GABRB1: variants seen among roughly 807,000 people sequenced by gnomAD.
GABRB1 encodes gamma-aminobutyric acid type A receptor subunit beta1, also known as gamma-aminobutyric acid receptor subunit beta-1.
In GABRB1, 17 loss-of-function variants were observed where a neutral mutation model predicts 51.6. The observed-to-expected ratio is 0.33, with a 90% CI of 0.23 to 0.49. The LOEUF (loss-of-function observed/expected upper bound fraction) is 0.49. Among genes scored for constraint, GABRB1 ranks in the 20% least tolerant of loss-of-function variants. GABRB1 has a pLI of 0.99. For missense variants in GABRB1, 410 were observed against 600.6 expected, an observed-to-expected ratio of 0.68 and a Z score of 3.32; for synonymous variants, 247 against 218.9, an observed-to-expected ratio of 1.13 and a Z score of -1.14.
chr4:47,326,984 C>T (rs55842104), intron 5 of GABRB1, among the ~76,000 whole-genome samples: 3 of 152,100 alleles, frequency 2.0e-5, no homozygotes, highest in Non-Finnish European at 4.4e-5. Context: ...TAGTCTAGTA[C>T]CTGAAAATAA....
At chr4:47,411,615 T>C (rs974913019) in intron 8 of GABRB1, among the ~76,000 whole-genome samples, 6 of 152,186 alleles carry the variant, frequency 3.9e-5, no homozygotes, top group Non-Finnish European at 2.9e-5. Context: ...AATCTACATA[T>C]GCAATAAAAT....
intron 4 of GABRB1, 135 bp downstream of exon 4, chr4:47,161,604 G>T (rs1577963326): frequency 1.5e-6 from 1 of 677,260 alleles, no homozygotes; most frequent in East Asian, 2.7e-5. Flanking sequence ...ACTTATGAAG[G>T]TCTATTACAA....
intron 3 of GABRB1, among the ~76,000 whole-genome samples, chr4:47,036,347 G>A (rs1725566387): frequency 6.6e-6 from 1 of 152,096 alleles, no homozygotes; most frequent in African/African-American, 2.4e-5. Context: ...AACAGTAACT[G>A]CTTGTCAGAT....
At chr4:47,390,383 G>A (rs1244184856) in intron 5 of GABRB1, among the ~76,000 whole-genome samples, 3 of 152,194 alleles carry the variant, frequency 2.0e-5, no homozygotes, top group South Asian at 2.1e-4. Flanking sequence ...ACACATTTAC[G>A]TACAAGACTA....
intron 5 of GABRB1, among the ~76,000 whole-genome samples, chr4:47,391,642 T>C (rs1007341440): frequency 1.2e-4 from 18 of 152,344 alleles, no homozygotes; most frequent in Admixed American, 1.0e-3. Flanking sequence ...ATTTCCTTGG[T>C]GCCCAGACTT....
intron 1 of GABRB1, among the ~76,000 whole-genome samples, chr4:47,006,037 C>A (rs1724388626): frequency 6.8e-6 from 1 of 147,688 alleles, no homozygotes; most frequent in African/African-American, 2.5e-5. Context: ...GCAATAATTT[C>A]TTTTGTTTTA....
intron 5 of GABRB1, among the ~76,000 whole-genome samples, chr4:47,361,185 A>C (rs890073684): frequency 2.0e-5 from 3 of 152,146 alleles, no homozygotes; most frequent in Non-Finnish European, 4.4e-5. Context: ...TAAGATTAAA[A>C]CAAAACAACT....
At chr4:47,346,418 C>A (rs981856723) in intron 5 of GABRB1, among the ~76,000 whole-genome samples, 12 of 150,704 alleles carry the variant, frequency 8.0e-5, no homozygotes, top group Admixed American at 6.6e-4. Context: ...TTATGATGAA[C>A]CTGGATTGAA....
At chr4:47,078,000 A>G (rs1727649652) in intron 3 of GABRB1, among the ~76,000 whole-genome samples, 1 of 128,378 alleles carries the variant, frequency 7.8e-6, no homozygotes, top group Non-Finnish European at 1.6e-5. Flanking sequence ...TATAATATAT[A>G]TATATTGGGA....
chr4:47,277,488 TA>T (rs1281905756), intron 4 of GABRB1, among the ~76,000 whole-genome samples: 1 of 152,110 alleles, frequency 6.6e-6, no homozygotes, highest in African/African-American at 2.4e-5. Flanking sequence ...AACTTAATTG[TA>T]CCTTTTAAAA....
chr4:47,105,522 C>T (rs1426046758), intron 3 of GABRB1, among the ~76,000 whole-genome samples: 1 of 152,072 alleles, frequency 6.6e-6, no homozygotes, highest in African/African-American at 2.4e-5. Flanking sequence ...AAAGAGATCT[C>T]AAATGGTTTC....
At chr4:47,302,211 A>G (rs529886812) in intron 4 of GABRB1, among the ~76,000 whole-genome samples, 23 of 152,246 alleles carry the variant, frequency 1.5e-4, no homozygotes, top group African/African-American at 5.5e-4. Flanking sequence ...AAAAGATAAT[A>G]TATGTAAAGT....
At chr4:47,320,763 C>CTTTTTTTTTTTT in intron 5 of GABRB1, among the ~76,000 whole-genome samples, 1 of 113,316 alleles carries the variant, frequency 8.8e-6, no homozygotes. Context: ...GTTTTCTTTT[C>CTTTTTTTTTTTT]TTTTTTCTTT....
intron 3 of GABRB1, among the ~76,000 whole-genome samples, chr4:47,060,529 C>A (rs1276656784): frequency 1.3e-5 from 2 of 151,980 alleles, no homozygotes; most frequent in Admixed American, 1.3e-4. Context: ...ATAGTAAATA[C>A]AAGCAAATAA....
intron 3 of GABRB1, among the ~76,000 whole-genome samples, chr4:47,039,089 GT>G (rs926277557): frequency 5.3e-5 from 8 of 151,914 alleles, no homozygotes; most frequent in Non-Finnish European, 8.8e-5. Flanking sequence ...TTAAGAAAAT[GT>G]TTACGATTAA....
intron 3 of GABRB1, among the ~76,000 whole-genome samples, chr4:47,103,722 G>C (rs1714824430): frequency 6.6e-6 from 1 of 151,622 alleles, no homozygotes; most frequent in African/African-American, 2.4e-5. Context: ...TATAATTTTG[G>C]GGTCTATAAT....
At chr4:47,347,993 A>G (rs558012355) in intron 5 of GABRB1, among the ~76,000 whole-genome samples, 1 of 152,342 alleles carries the variant, frequency 6.6e-6, no homozygotes, top group East Asian at 1.9e-4. Flanking sequence ...AATGAGGCAA[A>G]TGACTCTGGA....
rs574401364 is a variant in GABRB1, at chr4:47,339,861, C to A, written c.544+19652C>A. Among the ~76,000 whole-genome samples, 6 of 130,856 alleles carry A rather than the reference C, an allele frequency of 4.6e-5. No homozygotes were observed. The South Asian group carries it at 1.4e-3, about 30-fold the overall frequency. The allele number at this position is 130,856 out of a possible 152,430, so 85.8% of individuals were successfully genotyped here. A position where few individuals can be genotyped will look rare whatever the true frequency, so the allele number is the denominator to read the frequency against. On this transcript the variant is annotated intron_variant, in intron 5 of 8. Coordinates refer to ENST00000295454, the MANE Select transcript of GABRB1 (RefSeq NM_000812.4). ...CACACACACACACACACACACCCCA[C>A]TTTGGGAAACTTAATTAACTTTCTT...
At chr4:47,125,586 C>T (rs1305733870) in intron 3 of GABRB1, among the ~76,000 whole-genome samples, 2 of 24,906 alleles carry the variant, frequency 8.0e-5, no homozygotes, top group African/African-American at 1.9e-4. Context: ...GACGGAGTCT[C>T]GCTCTGTCGC....
Sources: gnomAD v4.1 joint callset for allele counts (sites outside exome capture counted in the v4.1 genomes callset) on GRCh38, gnomAD v4.1.1 for gene constraint, MANE v1.5 for transcripts, NCBI Gene and HGNC (gene_info 2026-07-23, HGNC 2026-07-21) for gene names.